PHF14: variants seen among roughly 807,000 people sequenced by gnomAD.
PHF14 encodes the protein PHD finger protein 14.
Under a neutral mutation model 117.9 loss-of-function variants are expected in PHF14, and 55 were observed. That is an observed-to-expected ratio of 0.47 (90% CI 0.38 to 0.58). The LOEUF (loss-of-function observed/expected upper bound fraction) is 0.58, where lower values mean the gene tolerates loss of function less well. Among genes scored for constraint, PHF14 ranks in the 20% least tolerant of loss-of-function variants. The pLI, the probability that PHF14 is intolerant of heterozygous loss-of-function variation, is 0.00. For synonymous variants in PHF14, 409 were observed against 368.6 expected (o/e 1.11, Z -1.26); for missense variants, 978 against 1,122.2 (o/e 0.87, Z 1.84).
At position 10,974,325 on chromosome 7, in the gene PHF14, G is replaced by T; in HGVS notation, c.1+1G>T. ...AAACGACCACCTCACGGATTCCTTAGTAAGTGTATCCGAGGCCTCTGCGGC... is the reference window on the plus strand; with the variant it reads ...AAACGACCACCTCACGGATTCCTTATTAAGTGTATCCGAGGCCTCTGCGGC... On this transcript the variant is annotated splice_donor_variant, in intron 1 of 17. Transcript: ENST00000634607. LOFTEE classifies it high-confidence loss of function. The T allele has an allele frequency of 6.3e-7, 1 of 1,591,670 alleles. No homozygotes were observed. Among genetic ancestry groups the T allele is most frequent in the Non-Finnish European group, 8.6e-7 (1 of 1,168,442 alleles).
At chr7:10,990,647 G>T in intron 3 of PHF14, 56 bp from the exon 4 acceptor site, 2 of 1,003,726 alleles carry the variant, frequency 2.0e-6, no homozygotes, top group Non-Finnish European at 2.8e-6. Context: ...TAGTGATTAA[G>T]TTTTTTTTTT....
At chr7:11,033,696 T>C (rs1784208869) in intron 7 of PHF14, among the ~76,000 whole-genome samples, 1 of 152,176 alleles carries the variant, frequency 6.6e-6, no homozygotes, top group Non-Finnish European at 1.5e-5. Context: ...AATGCTTAAC[T>C]CACCTATGCA....
At chr7:11,064,235 A>C (rs949861369) in intron 16 of PHF14, among the ~76,000 whole-genome samples, 1 of 151,978 alleles carries the variant, frequency 6.6e-6, no homozygotes, top group Non-Finnish European at 1.5e-5. Flanking sequence ...AAGTAATCTC[A>C]TAAGCTAATA....
At chr7:11,006,486 A>T in intron 4 of PHF14, 1 of 548,054 alleles carries the variant, frequency 1.8e-6, no homozygotes, top group Non-Finnish European at 3.6e-6. Context: ...CATCAGGCCG[A>T]ATTAGGGTGT....
chr7:11,108,713 A>C (rs771143332), intron 16 of PHF14: 3 of 151,784 alleles, frequency 2.0e-5, no homozygotes, highest in Non-Finnish European at 4.4e-5. Context: ...TTGTACGAGT[A>C]GTTGAAATCA....
At chr7:11,044,424 T>C (rs1345348929) in intron 13 of PHF14, among the ~76,000 whole-genome samples, 1 of 152,146 alleles carries the variant, frequency 6.6e-6, no homozygotes, top group Non-Finnish European at 1.5e-5. Context: ...TCATTGTTGT[T>C]AGTGGTTTTT....
chr7:11,151,762 G>C (rs1027085658), intron 17 of PHF14, among the ~76,000 whole-genome samples: 1 of 151,968 alleles, frequency 6.6e-6, no homozygotes, highest in Non-Finnish European at 1.5e-5. Context: ...ACAAATAAAG[G>C]CCATTTTTTT....
chr7:11,042,746 A>G lies in PHF14; in HGVS notation c.2244A>G (p.Leu748=), dbSNP rs1490478810. ...TTTTATTGTGTGATACCTGTAAACT[A>G]CATTACCATCTTGGATGTCTGGATC... is the stretch of plus-strand genomic sequence containing the variant. The part of the protein sequence containing the change: ...HLLLLCDTCK[L]HYHLGCLDPP... The change falls in exon 13 of 18, where the codon CTA becomes CTG. Residue 748 remains leucine, a synonymous_variant. Transcript: ENST00000634607. The G allele has an allele frequency of 1.9e-6, 3 of 1,593,866 alleles. No homozygotes were observed. The highest frequency in any genetic ancestry group is 2.3e-5 in the East Asian group (1 of 44,388).
intron 17 of PHF14, among the ~76,000 whole-genome samples, chr7:11,126,824 C>T (rs891054034): frequency 1.7e-4 from 25 of 147,694 alleles, no homozygotes; most frequent in African/African-American, 6.2e-4. Flanking sequence ...TAAACAAAAA[C>T]TCTTCAAATT....
intron 17 of PHF14, among the ~76,000 whole-genome samples, chr7:11,145,260 A>G (rs1407521966): frequency 6.9e-6 from 1 of 145,300 alleles, no homozygotes; most frequent in Non-Finnish European, 1.5e-5. Flanking sequence ...CAGTACTATT[A>G]TAGGTGTATG....
intron 17 of PHF14, among the ~76,000 whole-genome samples, chr7:11,167,201 C>T (rs1439868427): frequency 1.3e-5 from 2 of 152,188 alleles, no homozygotes; most frequent in East Asian, 3.9e-4. Flanking sequence ...CATGTTAAAC[C>T]GGGAAGTCAT....
intron 2 of PHF14, among the ~76,000 whole-genome samples, chr7:10,979,300 T>C (rs1781976007): frequency 6.6e-6 from 1 of 152,090 alleles, no homozygotes; most frequent in African/African-American, 2.4e-5. Context: ...TCAGAGGAGT[T>C]TTTAAAAATT....
At chr7:11,030,686 C>T (rs1040305658) in intron 7 of PHF14, among the ~76,000 whole-genome samples, 5 of 152,118 alleles carry the variant, frequency 3.3e-5, no homozygotes, top group African/African-American at 9.7e-5. Context: ...AGAATTAGCC[C>T]TGAGGCATCT....
At chr7:11,096,223 G>A (rs756033900) in intron 16 of PHF14, among the ~76,000 whole-genome samples, 5 of 151,782 alleles carry the variant, frequency 3.3e-5, no homozygotes, top group Admixed American at 1.3e-4. Context: ...AACCATTTAG[G>A]GCCATCCATG....
intron 16 of PHF14, among the ~76,000 whole-genome samples, chr7:11,081,393 A>G (rs1196658978): frequency 1.3e-5 from 2 of 152,218 alleles, no homozygotes; most frequent in East Asian, 3.8e-4. Context: ...TCATTATAAT[A>G]GTGAAAAATA....
chr7:10,985,118 T>G (rs10263654), intron 3 of PHF14, among the ~76,000 whole-genome samples: 16,996 of 152,086 alleles, frequency 0.11, 1,175 homozygotes, highest in African/African-American at 0.2. Flanking sequence ...ATTAAAAAAC[T>G]AATCAATTGT....
At chr7:11,148,034 A>G (rs1474348419) in intron 17 of PHF14, among the ~76,000 whole-genome samples, 1 of 152,080 alleles carries the variant, frequency 6.6e-6, no homozygotes, top group Non-Finnish European at 1.5e-5. Context: ...AATCATTCCT[A>G]ATTACTTTCT....
In PHF14 at chr7:10,982,762, C is replaced by G. The variant is rs1475756892; in HGVS notation, c.503C>G (p.Thr168Ser). 1.9e-6 allele frequency: 3 copies of G among 1,613,864 alleles called. No homozygotes were observed. Among genetic ancestry groups the G allele is most frequent in the Admixed American group, 3.3e-5 (2 of 59,972 alleles). The part of the protein sequence containing the change: ...PAVNTSPSVP[T>S]TTTATEEQVS... ...GTTAACACATCCCCTTCTGTTCCCACTACGACAACCGCTACAGAGGAACAA... is the reference window on the plus strand; with the variant it reads ...GTTAACACATCCCCTTCTGTTCCCAGTACGACAACCGCTACAGAGGAACAA... Residue 168 changes from threonine (T) to serine (S), a missense_variant, in exon 3 of 18, where the codon ACT (threonine) becomes AGT (serine). Around this residue, in one of 7 missense-constraint regions of PHF14, gnomAD observed 414 missense variants for 376.4 expected, o/e 1.10. Transcript: ENST00000634607.
At chr7:11,163,236 A>G (rs1421953198) in intron 17 of PHF14, among the ~76,000 whole-genome samples, 1 of 152,214 alleles carries the variant, frequency 6.6e-6, no homozygotes, top group Non-Finnish European at 1.5e-5. Context: ...CTTTAATTTC[A>G]TAATATAGCC....
Sources: gnomAD v4.1 joint callset for allele counts (sites outside exome capture counted in the v4.1 genomes callset) on GRCh38, gnomAD v4.1.1 for gene constraint, gnomAD v4.1.1 regional missense constraint, MANE v1.5 for transcripts, NCBI Gene and HGNC (gene_info 2026-07-23, HGNC 2026-07-21) for gene names.